ACACA: variants seen among roughly 807,000 people sequenced by gnomAD.
The protein encoded by ACACA is acetyl-CoA carboxylase alpha.
A neutral mutation model predicts 296.1 loss-of-function variants in ACACA; 103 were observed. The observed-to-expected ratio is 0.35, with a 90% CI of 0.30 to 0.41. ACACA has a LOEUF of 0.41. ACACA is among the 10% of genes least tolerant of loss of function. The pLI is 1.00. For synonymous variants in ACACA, 953 were observed against 1,038.6 expected (o/e 0.92, Z 1.58); for missense variants, 1,554 against 2,989.7 (o/e 0.52, Z 11.20).
intron 11 of ACACA, among the ~76,000 whole-genome samples, chr17:37,260,291 T>TAC (rs2081437550): frequency 1.3e-4 from 2 of 15,530 alleles, no homozygotes; most frequent in African/African-American, 5.1e-4. Flanking sequence ...TATATATATA[T>TAC]ATATATTTTT....
rs1334247583 is a variant in ACACA, at chr17:37,200,151, A to G, written c.4146T>C (p.Asp1382=). 2 of 1,605,422 alleles carry G rather than the reference A, an allele frequency of 1.2e-6. No individual in the cohort carries two copies. Among genetic ancestry groups the G allele is most frequent in the South Asian group, 2.2e-5 (2 of 90,898 alleles). Residue 1382 remains aspartate (D), a synonymous_variant, in exon 35 of 56, where the codon GAT becomes GAC. Transcript: ENST00000616317. ...TCATTTTACTTACATGAAATCTCCGATCCACCTCATAGTTGACCTGCTTTC... is the reference window on the plus strand; with the variant it reads ...TCATTTTACTTACATGAAATCTCCGGTCCACCTCATAGTTGACCTGCTTTC... The part of the protein sequence containing the change: ...DFRKQVNYEV[D]RRFHREFPKF...
chr17:37,173,516 T>C (rs924288557), intron 41 of ACACA, among the ~76,000 whole-genome samples: 7 of 152,106 alleles, frequency 4.6e-5, no homozygotes, highest in African/African-American at 9.7e-5. Context: ...TATAGTAACA[T>C]GTAAGTGAGG....
At chr17:37,358,854 C>G (rs2147578368) in intron 1 of ACACA, 1 of 783,218 alleles carries the variant, frequency 1.3e-6, no homozygotes, top group Non-Finnish European at 1.6e-6. Context: ...TGGGCTGCCC[C>G]GCACCCGATC....
chr17:37,227,363 C>T (rs193185394), intron 25 of ACACA, among the ~76,000 whole-genome samples: 18 of 152,228 alleles, frequency 1.2e-4, no homozygotes, highest in African/African-American at 3.9e-4. Context: ...ATTATTAACA[C>T]CACACCATAT....
chr17:37,127,017 G>A (rs2074821415), intron 47 of ACACA, among the ~76,000 whole-genome samples: 2 of 152,174 alleles, frequency 1.3e-5, no homozygotes, highest in East Asian at 3.8e-4. Flanking sequence ...CTCGATTTGG[G>A]AGCGAGTGTT....
chr17:37,161,673 AC>A, intron 42 of ACACA, 107 bp downstream of exon 42: 1 of 1,333,386 alleles, frequency 7.5e-7, no homozygotes, highest in South Asian at 1.3e-5. Context: ...TTTAATTTTT[AC>A]CATAAGTGGT....
chr17:37,359,808 C>G (rs2147594929), intron 1 of ACACA, among the ~76,000 whole-genome samples: 1 of 152,250 alleles, frequency 6.6e-6, no homozygotes, highest in Non-Finnish European at 1.5e-5. Flanking sequence ...AACTCCATAA[C>G]CAGCCCCCCG....
intron 3 of ACACA, chr17:37,299,839 T>C (rs2083534503): frequency 1.0e-6 from 1 of 982,900 alleles, no homozygotes; most frequent in Non-Finnish European, 1.2e-6. Context: ...AAGAAAATAA[T>C]GGGCTCATGA....
At chr17:37,249,250 C>T (rs893372519) in intron 16 of ACACA, among the ~76,000 whole-genome samples, 10 of 152,104 alleles carry the variant, frequency 6.6e-5, no homozygotes, top group Admixed American at 5.9e-4. Flanking sequence ...TTTGTTTATC[C>T]AGTCATCCAT....
In ACACA at chr17:37,223,508, T is replaced by C. The variant is rs1385511826; in HGVS notation, c.3564+4A>G. 50 of 1,594,634 alleles carry C rather than the reference T, an allele frequency of 3.1e-5. 1 individual carries two copies. The highest frequency in any genetic ancestry group is 1.3e-4 in the Admixed American group (8 of 59,964). ...GGTCATGTCCCATTACCATAAATAC[T>C]TACCTCCAGAGCTGCCATCCTCACT... On this transcript the variant is annotated splice_donor_region_variant and intron_variant, in intron 28 of 55. Transcript: ENST00000616317.
chr17:37,191,877 C>A (rs536602775), intron 37 of ACACA, among the ~76,000 whole-genome samples: 7 of 147,130 alleles, frequency 4.8e-5, no homozygotes, highest in Non-Finnish European at 9.0e-5. Context: ...TTCAGATGCA[C>A]TTTCTGCTTT....
chr17:37,392,717 C>T (rs1047008910), intron 1 of ACACA: 5 of 151,616 alleles, frequency 3.3e-5, no homozygotes, highest in African/African-American at 1.2e-4. Flanking sequence ...AAGTGCTGTC[C>T]AAAAAGTGAT....
chr17:37,240,159 C>T (rs1024232332), intron 24 of ACACA, among the ~76,000 whole-genome samples: 1 of 152,184 alleles, frequency 6.6e-6, no homozygotes, highest in Non-Finnish European at 1.5e-5. Context: ...CCTGTGATGA[C>T]TCAACCAACT....
intron 47 of ACACA, among the ~76,000 whole-genome samples, chr17:37,128,206 T>C (rs1335546862): frequency 1.3e-5 from 2 of 152,088 alleles, no homozygotes; most frequent in Non-Finnish European, 2.9e-5. Context: ...TAATAGAAAG[T>C]CTAATGTAGA....
chr17:37,245,313 C>T, intron 19 of ACACA, 99 bp from the exon 20 acceptor site: 1 of 1,252,898 alleles, frequency 8.0e-7, no homozygotes, highest in Non-Finnish European at 1.2e-6. Context: ...AGTTGGACCA[C>T]ACCTAATTTG....
chr17:37,162,188 T>A, intron 41 of ACACA, 138 bp from the exon 42 acceptor site: 1 of 894,228 alleles, frequency 1.1e-6, no homozygotes, highest in Non-Finnish European at 1.8e-6. Context: ...AAACTCCCTG[T>A]GGGAAACTAC....
At chr17:37,391,641 C>G in intron 1 of ACACA, 1 of 1,612,970 alleles carries the variant, frequency 6.2e-7, no homozygotes, top group Non-Finnish European at 8.5e-7. Flanking sequence ...TCCTTTCAAT[C>G]TCTAGGTTGG....
intron 25 of ACACA, among the ~76,000 whole-genome samples, chr17:37,234,177 C>T (rs2079998857): frequency 6.6e-6 from 1 of 152,118 alleles, no homozygotes; most frequent in African/African-American, 2.4e-5. Context: ...CTACAGTCCC[C>T]AAAAAGACAG....
intron 3 of ACACA, chr17:37,299,559 G>A: frequency 2.1e-6 from 3 of 1,400,462 alleles, no homozygotes; most frequent in South Asian, 1.6e-5. Flanking sequence ...CTTCCTTTTT[G>A]CATCTTCTCT....
Sources: allele counts gnomAD v4.1 joint callset (sites outside exome capture counted in the v4.1 genomes callset), GRCh38; gene constraint gnomAD v4.1.1; transcripts MANE v1.5; gene names NCBI Gene and HGNC (gene_info 2026-07-23, HGNC 2026-07-21).